LONP1: variants seen among roughly 807,000 people sequenced by gnomAD.
The protein encoded by LONP1 is lon peptidase 1, mitochondrial.
Under a neutral mutation model 98.5 loss-of-function variants are expected in LONP1, and 31 were observed. The observed-to-expected ratio is 0.31, with a 90% CI of 0.24 to 0.42. The LOEUF (loss-of-function observed/expected upper bound fraction) is 0.42. LONP1 is among the 20% of genes least tolerant of loss of function. The pLI is 1.00. For missense variants in LONP1, 1,336 were observed against 1,350.6 expected (o/e 0.99, Z 0.17); for synonymous variants, 781 against 594.7 (o/e 1.31, Z -4.56).
intron 4 of LONP1, chr19:5,708,751 C>G (rs1025694497): frequency 4.8e-6 from 1 of 208,012 alleles, no homozygotes. Context: ...TGGTGGCTCA[C>G]GCCTGTAATC....
At chr19:5,706,500 G>A (rs958266193) in intron 7 of LONP1, among the ~76,000 whole-genome samples, 6 of 152,024 alleles carry the variant, frequency 3.9e-5, no homozygotes, top group East Asian at 3.9e-4. Context: ...CCAGCTACTC[G>A]GGAGGCTGAG....
At chr19:5,696,493 G>C in intron 11 of LONP1, 122 bp from the exon 12 acceptor site, 1 of 1,408,502 alleles carries the variant, frequency 7.1e-7, no homozygotes, top group South Asian at 1.3e-5. Flanking sequence ...ACCCTGCCTT[G>C]GACGGGCAGC....
In LONP1 at chr19:5,692,163, T is replaced by C; in HGVS notation, c.2749A>G (p.Lys917Glu). 1.2e-6 allele frequency: 2 copies of C among 1,614,120 alleles called. No homozygotes were observed. Among genetic ancestry groups the C allele is most frequent in the Non-Finnish European group, 1.7e-6 (2 of 1,179,982 alleles). Residue 917 changes from lysine to glutamate, a missense_variant, in exon 18 of 18, where the codon AAG (lysine) becomes GAG (glutamate). By Grantham distance (56) the Lys-to-Glu change is moderately conservative. Coordinates refer to ENST00000360614, the MANE Select transcript of LONP1 (RefSeq NM_004793.4). ...VTCIVLPAENKKDFYDLAAFI... is the reference protein window; with the variant it reads ...VTCIVLPAENEKDFYDLAAFI... ...GCTGCCAGGTCGTAGAAGTCCTTCT[T>C]GTTCTCGGCTGGCAGGACGATGCAC...
intron 5 of LONP1, chr19:5,708,117 C>T: frequency 4.9e-6 from 3 of 612,888 alleles, no homozygotes; most frequent in Non-Finnish European, 8.6e-6. Flanking sequence ...CCAACAGCTT[C>T]CGGCCTCAGC....
At chr19:5,698,467 G>A (rs868199858) in intron 10 of LONP1, among the ~76,000 whole-genome samples, 1 of 152,224 alleles carries the variant, frequency 6.6e-6, no homozygotes, top group African/African-American at 2.4e-5. Context: ...CACCCAAAGG[G>A]TCAGGTGGGA....
At chr19:5,694,659 A>T (rs968172591) in intron 14 of LONP1, 102 bp downstream of exon 14, 50 of 1,563,212 alleles carry the variant, frequency 3.2e-5, no homozygotes, top group Non-Finnish European at 4.4e-5. Context: ...TGGTGGGGTG[A>T]TGGGCGCAGG....
chr19:5,700,319 G>C (rs1475830883), intron 9 of LONP1, among the ~76,000 whole-genome samples: 2 of 152,026 alleles, frequency 1.3e-5, no homozygotes, highest in African/African-American at 4.8e-5. Flanking sequence ...CTCCATGTTG[G>C]TCAGGCTGGT....
intron 17 of LONP1, among the ~76,000 whole-genome samples, chr19:5,692,817 G>C (rs1436053379): frequency 1.3e-5 from 2 of 152,168 alleles, no homozygotes; most frequent in African/African-American, 2.4e-5. Flanking sequence ...CCTCGTGGTG[G>C]CATCTCCTGA....
chr19:5,695,487 G>A (rs987570617), intron 13 of LONP1, among the ~76,000 whole-genome samples: 2 of 152,200 alleles, frequency 1.3e-5, no homozygotes, highest in Admixed American at 6.5e-5. Flanking sequence ...AAGTCAGGCT[G>A]GGAACTGGGC....
chr19:5,710,835 G>A (rs1028109856), intron 4 of LONP1, among the ~76,000 whole-genome samples: 8 of 152,170 alleles, frequency 5.3e-5, no homozygotes, highest in African/African-American at 1.4e-4. Flanking sequence ...AGACTAGCCC[G>A]GCCAACATGG....
chr19:5,703,106 G>T (rs1249918822), intron 8 of LONP1, among the ~76,000 whole-genome samples: 1 of 150,116 alleles, frequency 6.7e-6, no homozygotes, highest in Non-Finnish European at 1.5e-5. Flanking sequence ...GCATGAACCC[G>T]AGAGGCGGAG....
chr19:5,710,334 C>G (rs1380207480), intron 4 of LONP1, among the ~76,000 whole-genome samples: 1 of 151,862 alleles, frequency 6.6e-6, no homozygotes, highest in African/African-American at 2.4e-5. Context: ...GGTGATCCGC[C>G]CACCTCGGCC....
At chr19:5,713,292 T>C (rs775452253) in intron 2 of LONP1, 39 bp from the exon 3 acceptor site, 8 of 1,612,864 alleles carry the variant, frequency 5.0e-6, no homozygotes, top group Non-Finnish European at 6.8e-6. Flanking sequence ...GGAACATGGC[T>C]TTCATGCTAG....
chr19:5,700,944 G>A lies in LONP1; in HGVS notation c.1368-17C>T, dbSNP rs1485321701. On this transcript the variant is annotated splice_polypyrimidine_tract_variant and intron_variant, in intron 8 of 17. Coordinates refer to ENST00000360614, the MANE Select transcript of LONP1 (RefSeq NM_004793.4). ...CGGGTGACACTGCCAGGGGACAGAT[G>A]GAGAGATGCTGAGTGGAGCTCACGA... 16 of 1,613,912 alleles carry A rather than the reference G, an allele frequency of 9.9e-6. No individual in the cohort carries two copies. The highest frequency in any genetic ancestry group is 1.3e-5 in the African/African-American group (1 of 74,948).
At chr19:5,718,477 C>CAA (rs368724850) in intron 1 of LONP1, among the ~76,000 whole-genome samples, 1,053 of 100,962 alleles carry the variant, frequency 0.01, 21 homozygotes, top group African/African-American at 0.036. Context: ...AACTTGGTCT[C>CAA]AAAAAAAAAA....
intron 9 of LONP1, 77 bp downstream of exon 9, chr19:5,700,712 C>T: frequency 6.4e-7 from 1 of 1,572,964 alleles, no homozygotes; most frequent in Non-Finnish European, 8.7e-7. Flanking sequence ...CCTTTGAAAT[C>T]TCAACCCACA....
At chr19:5,707,405 G>A (rs1475540998) in intron 6 of LONP1, among the ~76,000 whole-genome samples, 1 of 152,198 alleles carries the variant, frequency 6.6e-6, no homozygotes, top group Non-Finnish European at 1.5e-5. Flanking sequence ...GACTGGCAAC[G>A]CCCCGGGTAC....
chr19:5,718,590 A>T (rs1326353619), intron 1 of LONP1, among the ~76,000 whole-genome samples: 1 of 151,198 alleles, frequency 6.6e-6, no homozygotes, highest in Non-Finnish European at 1.5e-5. Flanking sequence ...GATCCTTGAG[A>T]TTTGTTTAGA....
In LONP1 at chr19:5,707,770, T is replaced by C; in HGVS notation, c.989A>G (p.Tyr330Cys). The change falls in exon 6 of 18, where the codon TAC (tyrosine) becomes TGC (cysteine). Residue 330 changes from tyrosine to cysteine, a missense_variant. By Grantham distance (194) the Tyr-to-Cys change is radical. This residue lies in a region of LONP1 where 97 missense variants were observed against 139.0 expected (regional missense o/e 0.70). Coordinates refer to ENST00000360614, the MANE Select transcript of LONP1 (RefSeq NM_004793.4). ...AGQRVVDNPI[Y>C]LSDMGAALTG... Reference sequence around the variant, plus strand: ...GAGCGCGGCGCCCATGTCGCTCAGGTAGATGGGGTTGTCCACCACCCGCTG... The same window carrying C: ...GAGCGCGGCGCCCATGTCGCTCAGGCAGATGGGGTTGTCCACCACCCGCTG... The C allele has an allele frequency of 1.9e-6, 3 of 1,613,080 alleles. No homozygotes were observed. The highest frequency in any genetic ancestry group is 2.5e-6 in the Non-Finnish European group (3 of 1,179,876).
Sources: gnomAD v4.1 joint callset for allele counts (sites outside exome capture counted in the v4.1 genomes callset) on GRCh38, gnomAD v4.1.1 for gene constraint, gnomAD v4.1.1 regional missense constraint, MANE v1.5 for transcripts, NCBI Gene and HGNC (gene_info 2026-07-23, HGNC 2026-07-21) for gene names.